Variants in KHDC1 observed in about 807,000 individuals in gnomAD.
KHDC1 encodes the protein KH homology domain-containing protein 1.
A neutral mutation model predicts 24.7 loss-of-function variants in KHDC1; 21 were observed. The observed-to-expected ratio is 0.85, with a 90% CI of 0.60 to 1.23. The LOEUF (loss-of-function observed/expected upper bound fraction) is 1.23, where lower values mean the gene tolerates loss of function less well. Ranked by LOEUF, KHDC1 falls within the 50% of genes most tolerant of loss-of-function variation. KHDC1 has a pLI of 0.00. For synonymous variants in KHDC1, 98 were observed against 111.7 expected (o/e 0.88, Z 0.77); for missense variants, 274 against 298.5 (o/e 0.92, Z 0.61).
At chr6:73,252,543 C>G (rs566007138) in intron 2 of KHDC1, among the ~76,000 whole-genome samples, 7 of 152,218 alleles carry the variant, frequency 4.6e-5, no homozygotes, top group African/African-American at 1.7e-4. Flanking sequence ...GGTTCAATGG[C>G]TCACATCTGT....
rs149486472 is a variant in KHDC1, at chr6:73,264,298, G to A, written c.207-21768C>T. The stretch of plus-strand genomic sequence containing the variant: ...GAAATCATTAAGGTAAGTAGGGAAG[G>A]GTCAAGATAGCTAAGATGAGTGAGG... On this transcript the variant is annotated intron_variant, in intron 2 of 4. Transcript: ENST00000370384. Among the ~76,000 whole-genome samples, 584 of 152,252 alleles carry A rather than the reference G, an allele frequency of 3.8e-3. 6 individuals are homozygous for A. Among genetic ancestry groups the A allele is most frequent in the African/African-American group, 0.014 (569 of 41,550 alleles).
At chr6:73,256,993 A>G (rs1007819504) in intron 2 of KHDC1, among the ~76,000 whole-genome samples, 12 of 152,190 alleles carry the variant, frequency 7.9e-5, no homozygotes, top group African/African-American at 2.9e-4. Context: ...TGACTAATAT[A>G]TATTAAAAGG....
At chr6:73,285,183 CAT>C (rs2150694848) in intron 2 of KHDC1, among the ~76,000 whole-genome samples, 1 of 152,242 alleles carries the variant, frequency 6.6e-6, no homozygotes, top group Non-Finnish European at 1.5e-5. Flanking sequence ...TTTAAATTTC[CAT>C]AGAGTTTGTT....
chr6:73,270,497 A>C (rs1767159404), intron 2 of KHDC1: 1 of 152,146 alleles, frequency 6.6e-6, no homozygotes, highest in Non-Finnish European at 1.5e-5. Flanking sequence ...CAGAAAAATA[A>C]TAATTACATC....
intron 2 of KHDC1, among the ~76,000 whole-genome samples, chr6:73,284,388 C>T (rs1365522234): frequency 6.6e-6 from 1 of 152,156 alleles, no homozygotes; most frequent in Non-Finnish European, 1.5e-5. Context: ...CCCATGACTC[C>T]TGACTCAGCC....
chr6:73,273,204 G>C (rs1010442895), intron 2 of KHDC1, among the ~76,000 whole-genome samples: 2 of 150,014 alleles, frequency 1.3e-5, no homozygotes, highest in African/African-American at 2.5e-5. Context: ...GTCTCTCTCT[G>C]TTGCCCAGGC....
chr6:73,241,991 C>T, intron 4 of KHDC1, 64 bp downstream of exon 3: 1 of 1,519,254 alleles, frequency 6.6e-7, no homozygotes, highest in South Asian at 1.3e-5. Context: ...ATCCAAGATG[C>T]TACACAACTT....
chr6:73,265,064 G>A (rs768813137), intron 2 of KHDC1, among the ~76,000 whole-genome samples: 2 of 152,126 alleles, frequency 1.3e-5, no homozygotes, highest in Non-Finnish European at 2.9e-5. Flanking sequence ...GCAGGGTGTA[G>A]TTTCAATAAA....
At chr6:73,293,313 A>C in intron 1 of KHDC1, 1 of 541,720 alleles carries the variant, frequency 1.8e-6, no homozygotes, top group Non-Finnish European at 3.5e-6. Context: ...AAAACTCTAA[A>C]AGAAAGATGA....
At chr6:73,309,683 A>G (rs1452275421) in exon 1 of KHDC1, 1 of 1,549,796 alleles carries the variant, frequency 6.5e-7, no homozygotes, top group Admixed American at 2.0e-5. Context: ...CACAAATAAG[A>G]CTCGGAACAG....
chr6:73,272,117 C>T (rs888475244), intron 2 of KHDC1, among the ~76,000 whole-genome samples: 2 of 151,442 alleles, frequency 1.3e-5, no homozygotes, highest in East Asian at 4.0e-4. Context: ...CCAGAAAAAA[C>T]TTTTGATCAT....
intron 1 of KHDC1, among the ~76,000 whole-genome samples, chr6:73,293,870 A>ATGGTGC (rs1767708776): frequency 6.6e-6 from 1 of 151,852 alleles, no homozygotes; most frequent in South Asian, 2.1e-4. Flanking sequence ...GCCGGGCATG[A>ATGGTGC]TGGTGCGCAC....
At chr6:73,274,403 T>A (rs1767240570) in intron 2 of KHDC1, 1 of 152,202 alleles carries the variant, frequency 6.6e-6, no homozygotes, top group Admixed American at 6.6e-5. Flanking sequence ...GAACTCTACC[T>A]AATGTTGGTG....
chr6:73,282,071 A>T (rs557992031), intron 2 of KHDC1, among the ~76,000 whole-genome samples: 23 of 151,858 alleles, frequency 1.5e-4, no homozygotes, highest in Non-Finnish European at 2.9e-4. Flanking sequence ...TACAAAAATT[A>T]GCCGGGCGTG....
At chr6:73,265,406 G>A (rs529760720) in intron 2 of KHDC1, among the ~76,000 whole-genome samples, 3 of 151,936 alleles carry the variant, frequency 2.0e-5, no homozygotes. Context: ...GTGGGTGCCT[G>A]TAATCCCAGC....
chr6:73,292,525 C>T (rs1267759836), intron 1 of KHDC1: 29 of 769,104 alleles, frequency 3.8e-5, no homozygotes, highest in Non-Finnish European at 3.2e-5. Context: ...ACATGGAAGA[C>T]CTTACATGGT....
intron 1 of KHDC1, among the ~76,000 whole-genome samples, chr6:73,294,409 G>C (rs979227517): frequency 6.6e-6 from 1 of 151,926 alleles, no homozygotes; most frequent in African/African-American, 2.4e-5. Context: ...TTTAGCACTT[G>C]ATACATATTT....
intron 2 of KHDC1, chr6:73,274,507 G>A (rs552907192): frequency 1.3e-5 from 2 of 152,324 alleles, no homozygotes; most frequent in African/African-American, 2.4e-5. Flanking sequence ...AGACCAGGTG[G>A]AAGTAATCGG....
chr6:73,301,978 T>C (rs1767886098), intron 1 of KHDC1, among the ~76,000 whole-genome samples: 1 of 152,274 alleles, frequency 6.6e-6, no homozygotes, highest in East Asian at 1.9e-4. Context: ...GATTCATTTA[T>C]GTATATGTTT....
Sources: allele counts gnomAD v4.1 joint callset (sites outside exome capture counted in the v4.1 genomes callset), GRCh38; gene constraint gnomAD v4.1.1; transcripts MANE v1.5; gene names NCBI Gene and HGNC (gene_info 2026-07-23, HGNC 2026-07-21).